SLC2A9: variants seen among roughly 807,000 people sequenced by gnomAD.
SLC2A9 encodes solute carrier family 2, facilitated glucose transporter member 9.
Under a neutral mutation model 50.6 loss-of-function variants are expected in SLC2A9, and 39 were observed. That is an observed-to-expected ratio of 0.77 (90% CI 0.60 to 1.01). SLC2A9 has a LOEUF of 1.01. SLC2A9 is among the 50% of genes least tolerant of loss of function. SLC2A9 has a pLI of 0.00. For missense variants in SLC2A9, 686 were observed against 677.6 expected (o/e 1.01, Z -0.14); for synonymous variants, 324 against 276.9 (o/e 1.17, Z -1.69).
chr4:9,826,798 T>C (rs1364919362), intron 11 of SLC2A9, among the ~76,000 whole-genome samples, 198 bp from the exon 12 acceptor site: 1 of 152,246 alleles, frequency 6.6e-6, no homozygotes, highest in African/African-American at 2.4e-5. Context: ...ATAAATCAGC[T>C]TCAAACTCTG....
intron 5 of SLC2A9, among the ~76,000 whole-genome samples, chr4:9,948,712 C>T (rs1392240897): frequency 1.2e-4 from 19 of 152,248 alleles, no homozygotes; most frequent in Admixed American, 1.2e-3. Context: ...GTGGGCTCAA[C>T]TGAGACCTCT....
intron 5 of SLC2A9, among the ~76,000 whole-genome samples, chr4:9,978,071 T>C (rs1418355534): frequency 6.6e-6 from 1 of 152,176 alleles, no homozygotes; most frequent in Non-Finnish European, 1.5e-5. Flanking sequence ...GAACAGTCAC[T>C]ATTTGCCAGC....
At chr4:10,006,795 G>A (rs1389775362) in intron 2 of SLC2A9, 4 of 152,106 alleles carry the variant, frequency 2.6e-5, no homozygotes, top group Non-Finnish European at 5.9e-5. Context: ...TGCAAACAGT[G>A]TGGTTTATGC....
intron 3 of SLC2A9, among the ~76,000 whole-genome samples, chr4:9,988,099 G>A (rs992716632): frequency 6.6e-6 from 1 of 152,214 alleles, no homozygotes; most frequent in Non-Finnish European, 1.5e-5. Flanking sequence ...GACTGCAGGG[G>A]ACAAGTGTGA....
intron 5 of SLC2A9, among the ~76,000 whole-genome samples, chr4:9,958,409 G>C (rs563464549): frequency 6.6e-6 from 1 of 152,112 alleles, no homozygotes; most frequent in African/African-American, 2.4e-5. Flanking sequence ...ACCAAACACC[G>C]CATGTCCTCA....
chr4:10,021,602 C>G (rs1159252780), upstream of SLC2A9: 1 of 929,480 alleles, frequency 1.1e-6, no homozygotes, highest in Non-Finnish European at 1.7e-6. Flanking sequence ...TTCTCTGCTC[C>G]TAAGTTATTA....
intron 2 of SLC2A9, among the ~76,000 whole-genome samples, chr4:10,000,571 G>A (rs12507330): frequency 0.48 from 73,107 of 151,982 alleles, 18,327 homozygotes; most frequent in South Asian, 0.62. Context: ...AAGACAGCAT[G>A]CACTCACAAT....
chr4:9,879,400 G>C (rs950673822), intron 10 of SLC2A9: 1 of 985,012 alleles, frequency 1.0e-6, no homozygotes, highest in African/African-American at 1.8e-5. Flanking sequence ...GTGTGTGTGT[G>C]TTTGTGCGTG....
intron 10 of SLC2A9, among the ~76,000 whole-genome samples, chr4:9,883,239 T>G (rs551168686): frequency 6.6e-6 from 1 of 152,238 alleles, no homozygotes; most frequent in East Asian, 1.9e-4. Flanking sequence ...GAACAGGGCC[T>G]GGAATAGAGT....
intron 8 of SLC2A9, among the ~76,000 whole-genome samples, chr4:9,900,060 G>T (rs186350036): frequency 1.7e-4 from 26 of 151,388 alleles, no homozygotes; most frequent in African/African-American, 6.3e-4. Context: ...TGGGCAAGTA[G>T]AAAAAAAAAT....
intron 3 of SLC2A9, among the ~76,000 whole-genome samples, chr4:9,987,079 A>G (rs995358059): frequency 6.6e-6 from 1 of 152,174 alleles, no homozygotes; most frequent in Non-Finnish European, 1.5e-5. Flanking sequence ...TATTTTATAA[A>G]CAAGTTAACT....
chr4:9,779,939 G>A (rs1577248989), exon 4 of SLC2A9: 1 of 152,358 alleles, frequency 6.6e-6, no homozygotes, highest in South Asian at 2.1e-4. Flanking sequence ...GATAGGGGAA[G>A]GTCATTCCAG....
At chr4:9,838,651 A>T (rs887679146) in intron 10 of SLC2A9, among the ~76,000 whole-genome samples, 2 of 152,228 alleles carry the variant, frequency 1.3e-5, no homozygotes, top group African/African-American at 4.8e-5. Flanking sequence ...TGGTACAAGA[A>T]CACATATATA....
intron 8 of SLC2A9, among the ~76,000 whole-genome samples, chr4:9,904,558 G>T (rs891728005): frequency 6.6e-6 from 1 of 152,160 alleles, no homozygotes; most frequent in African/African-American, 2.4e-5. Flanking sequence ...TGCCATGTAA[G>T]GTAATATATT....
intron 2 of SLC2A9, among the ~76,000 whole-genome samples, chr4:10,016,624 G>A (rs930955359): frequency 6.6e-6 from 1 of 151,914 alleles, no homozygotes; most frequent in Non-Finnish European, 1.5e-5. Context: ...GCTTACCATG[G>A]TCTTTCCCAT....
intron 6 of SLC2A9, among the ~76,000 whole-genome samples, chr4:9,935,340 G>A (rs557757623): frequency 6.6e-6 from 1 of 152,306 alleles, no homozygotes; most frequent in African/African-American, 2.4e-5. Context: ...ATTCTGTGCT[G>A]TCTCACTGTC....
chr4:9,787,536 T>C (rs1719377885), intron 3 of SLC2A9, among the ~76,000 whole-genome samples: 1 of 152,216 alleles, frequency 6.6e-6, no homozygotes, highest in Admixed American at 6.5e-5. Context: ...ACTCTGAATA[T>C]TTTGTTGCAT....
chr4:9,871,757 C>T (rs1038426384), intron 10 of SLC2A9, among the ~76,000 whole-genome samples: 1 of 152,204 alleles, frequency 6.6e-6, no homozygotes, highest in African/African-American at 2.4e-5. Context: ...AGAGCACAAA[C>T]ACTGCCAACC....
At chr4:9,992,008 C>T (rs1458790817) in intron 3 of SLC2A9, among the ~76,000 whole-genome samples, 2 of 152,222 alleles carry the variant, frequency 1.3e-5, no homozygotes, top group Non-Finnish European at 2.9e-5. Context: ...CTATAAAATA[C>T]AGATGCCTTT....
Sources: gnomAD v4.1 joint callset for allele counts (sites outside exome capture counted in the v4.1 genomes callset) on GRCh38, gnomAD v4.1.1 for gene constraint, MANE v1.5 for transcripts, NCBI Gene and HGNC (gene_info 2026-07-23, HGNC 2026-07-21) for gene names.